Variants in OSBPL2 observed in about 807,000 individuals in gnomAD.
OSBPL2 encodes oxysterol binding protein like 2, also known as oxysterol-binding protein-related protein 2.
In OSBPL2, 18 loss-of-function variants were observed where a neutral mutation model predicts 58.4. The ratio of observed to expected loss-of-function variants is 0.31; its 90% CI spans 0.21 to 0.46. The LOEUF is 0.46. Among genes scored for constraint, OSBPL2 ranks in the 20% least tolerant of loss-of-function variants. OSBPL2 has a pLI of 1.00. For missense variants in OSBPL2, 461 were observed against 616.5 expected, an observed-to-expected ratio of 0.75 and a Z score of 2.67; for synonymous variants, 221 against 234.1, an observed-to-expected ratio of 0.94 and a Z score of 0.51.
intron 1 of OSBPL2, among the ~76,000 whole-genome samples, chr20:62,248,155 C>CTTTTTTTTTTTTTTTTTT (rs11470491): frequency 8.4e-6 from 1 of 118,854 alleles, no homozygotes; most frequent in Admixed American, 9.4e-5. Flanking sequence ...CTTTTCTTTT[C>CTTTTTTTTTTTTTTTTTT]TTTTTTTTTT....
rs1222871824 is a variant in OSBPL2, at chr20:62,296,048, T to A, written c.*2161T>A. On this transcript the variant is annotated 3_prime_UTR_variant, in exon 14 of 14. Coordinates refer to ENST00000313733, the MANE Select transcript of OSBPL2 (RefSeq NM_144498.4). ...GGCTGATGGCAAAAGCGGCTGTGTG[T>A]CGAGGTTATTTTAACTTTTTACTAC... 2 of 152,208 alleles carry A rather than the reference T, an allele frequency of 1.3e-5. No individual in the cohort carries two copies. Among genetic ancestry groups the A allele is most frequent in the Non-Finnish European group, 1.5e-5 (1 of 68,046 alleles). 9.4% of individuals were successfully genotyped at this position (152,208 alleles called of 1,614,324 possible).
At chr20:62,263,560 A>G in intron 3 of OSBPL2, 56 bp from the exon 4 acceptor site, 1 of 1,297,072 alleles carries the variant, frequency 7.7e-7, no homozygotes. Flanking sequence ...AGCCTCCTTG[A>G]GTGGTCAGAG....
chr20:62,247,229 G>A (rs1030495863), intron 1 of OSBPL2, among the ~76,000 whole-genome samples: 3 of 152,236 alleles, frequency 2.0e-5, no homozygotes, highest in African/African-American at 7.2e-5. Flanking sequence ...TGATGTGCAC[G>A]TCGGCTTGAG....
chr20:62,257,259 C>CTCTGGTGGT (rs1568831709), intron 2 of OSBPL2, among the ~76,000 whole-genome samples: 1 of 152,108 alleles, frequency 6.6e-6, no homozygotes, highest in African/African-American at 2.4e-5. Context: ...GCTCTGGTGG[C>CTCTGGTGGT]GCCTCCGGTC....
intron 2 of OSBPL2, among the ~76,000 whole-genome samples, chr20:62,257,391 C>T (rs1291973948): frequency 1.3e-5 from 2 of 152,228 alleles, no homozygotes; most frequent in Non-Finnish European, 2.9e-5. Context: ...TGATGCGCTC[C>T]TTACCGGCTT....
At chr20:62,290,769 A>C (rs1601205072) in intron 12 of OSBPL2, among the ~76,000 whole-genome samples, 1 of 123,822 alleles carries the variant, frequency 8.1e-6, no homozygotes, top group African/African-American at 3.2e-5. Context: ...ACAGAGTTTC[A>C]CACTTGTTGC....
intron 9 of OSBPL2, among the ~76,000 whole-genome samples, 172 bp from the exon 10 acceptor site, chr20:62,283,874 G>C (rs1982943514): frequency 6.6e-6 from 1 of 152,050 alleles, no homozygotes; most frequent in Admixed American, 6.6e-5. Flanking sequence ...GTGTGTATCG[G>C]GGCTACGAAT....
chr20:62,262,303 G>A (rs774267014), intron 3 of OSBPL2, among the ~76,000 whole-genome samples: 2 of 152,214 alleles, frequency 1.3e-5, no homozygotes, highest in Non-Finnish European at 1.5e-5. Flanking sequence ...GTTGCCTCCC[G>A]TCCCAGCTGC....
chr20:62,263,557 T>A (rs1981455294), intron 3 of OSBPL2, 59 bp from the exon 4 acceptor site: 2 of 1,290,366 alleles, frequency 1.5e-6, no homozygotes, highest in South Asian at 1.2e-5. Flanking sequence ...CACAGCCTCC[T>A]TGAGTGGTCA....
chr20:62,250,797 C>T (rs950707164), intron 1 of OSBPL2, among the ~76,000 whole-genome samples: 3 of 151,958 alleles, frequency 2.0e-5, no homozygotes, highest in African/African-American at 7.3e-5. Context: ...TGATGGTGTA[C>T]GCCTGTGGTC....
chr20:62,255,852 T>C (rs2145927104), intron 1 of OSBPL2, among the ~76,000 whole-genome samples: 1 of 152,356 alleles, frequency 6.6e-6, no homozygotes, highest in East Asian at 1.9e-4. Context: ...GAATTATTGG[T>C]CTGTTATTCA....
At chr20:62,254,457 G>A (rs1980786215) in intron 1 of OSBPL2, among the ~76,000 whole-genome samples, 1 of 152,268 alleles carries the variant, frequency 6.6e-6, no homozygotes, top group African/African-American at 2.4e-5. Flanking sequence ...CACCCTGGCC[G>A]TGAGCAGGGC....
chr20:62,286,532 C>T lies in OSBPL2; in HGVS notation c.997-51C>T, dbSNP rs766372491. On this transcript the variant is annotated intron_variant, in intron 10 of 13. Transcript: ENST00000313733. ...GCTCTGAGAATAGCTGTCCTCCTGG[C>T]CAAGAGCGGCCTGGCCCCGGGCAGC... The T allele has an allele frequency of 3.8e-6, 6 of 1,575,012 alleles. No individual in the cohort carries two copies. In the Admixed American group the frequency reaches 6.9e-5, roughly 18 times the overall value.
In OSBPL2 at chr20:62,286,624, C is replaced by G; in HGVS notation, c.1038C>G (p.Asp346Glu). Residue 346 changes from aspartate to glutamate, a missense_variant, in exon 11 of 14, where the codon GAC becomes GAG. Transcript: ENST00000313733. Reference sequence around the variant, plus strand: ...AGGCTGACAGCGACGTGGCTGACGACGTGCCTGTGGCCCAGGAGACCGTGC... The same window carrying G: ...AGGCTGACAGCGACGTGGCTGACGAGGTGCCTGTGGCCCAGGAGACCGTGC... ...SGKADSDVAD[D>E]VPVAQETVQV... 1 of 1,613,708 alleles carries G rather than the reference C, an allele frequency of 6.2e-7. No homozygotes were observed. The highest frequency in any genetic ancestry group is 8.5e-7 in the Non-Finnish European group (1 of 1,179,870).
rs971862201 is a variant in OSBPL2, at chr20:62,260,123, C to A, written c.180C>A (p.His60Gln). 1 of 1,613,370 alleles carries A rather than the reference C, an allele frequency of 6.2e-7. No homozygotes were observed. Among genetic ancestry groups the A allele is most frequent in the Non-Finnish European group, 8.5e-7 (1 of 1,179,648 alleles). The part of the protein sequence containing the change: ...RPSQENGIQK[H>Q]RTSLPAPMFS... ...CTCAAGAGAACGGAATTCAGAAACA[C>A]AGGTATGTTCTCTCACGTCTGCTGT... Residue 60 changes from histidine (H) to glutamine (Q), a missense_variant and splice_region_variant, in exon 3 of 14, where the codon CAC becomes CAA. This residue lies in a region of OSBPL2 where 80 missense variants were observed against 74.8 expected (regional missense o/e 1.07). Transcript: ENST00000313733.
rs1245893737 is a variant in OSBPL2 at position 62,295,734 on chromosome 20, A to G, written c.*1847A>G. On this transcript the variant is annotated 3_prime_UTR_variant, in exon 14 of 14. Coordinates refer to ENST00000313733, the MANE Select transcript of OSBPL2 (RefSeq NM_144498.4). This position sits in a 1 kb window ranked among gnomAD's most constrained non-coding sequence, Gnocchi z 4.8. Reference sequence around the variant, plus strand: ...GGTGGAGGGTCATCTGCTTTTCCAGACTGTGGTTGTGAACCGGCTCCTTCT... The same window carrying G: ...GGTGGAGGGTCATCTGCTTTTCCAGGCTGTGGTTGTGAACCGGCTCCTTCT... 1 of 152,028 alleles carries G rather than the reference A, an allele frequency of 6.6e-6. No individual in the cohort carries two copies. Among genetic ancestry groups the G allele is most frequent in the East Asian group, 1.9e-4 (1 of 5,186 alleles). 9.4% of individuals were successfully genotyped at this position (152,028 alleles called of 1,614,324 possible).
Position 62,267,828 on chromosome 20 carries a change from C to T in OSBPL2, c.258+4137C>T, listed in dbSNP as rs546672240. Among the ~76,000 whole-genome samples, 4 of 152,320 alleles carry T rather than the reference C, an allele frequency of 2.6e-5. No individual in the cohort carries two copies. In the South Asian group the frequency reaches 6.2e-4, roughly 24 times the overall value. On this transcript the variant is annotated intron_variant, in intron 4 of 13. Coordinates refer to ENST00000313733, the MANE Select transcript of OSBPL2 (RefSeq NM_144498.4). Reference sequence around the variant, plus strand: ...CTGAGACAGCACATGTCTGTGCCTCCTGCAGTTGCCACTTGTCATTGTCTT... The same window carrying T: ...CTGAGACAGCACATGTCTGTGCCTCTTGCAGTTGCCACTTGTCATTGTCTT...
chr20:62,289,083 G>A, intron 11 of OSBPL2, 124 bp from the exon 12 acceptor site: 1 of 1,038,720 alleles, frequency 9.6e-7, no homozygotes, highest in Non-Finnish European at 1.4e-6. Flanking sequence ...GTGAGCGGAA[G>A]TAGGTTCCCA....
intron 3 of OSBPL2, among the ~76,000 whole-genome samples, chr20:62,262,059 GC>G (rs1264734961): frequency 6.7e-6 from 1 of 148,548 alleles, no homozygotes; most frequent in Non-Finnish European, 1.5e-5. Flanking sequence ...CAGCCCAGAG[GC>G]ACTTTTCAAA....
Sources: gnomAD v4.1 joint callset for allele counts (sites outside exome capture counted in the v4.1 genomes callset) on GRCh38, gnomAD v4.1.1 for gene constraint, gnomAD v4.1.1 regional missense constraint, Gnocchi (gnomAD v3.1) non-coding constraint, MANE v1.5 for transcripts, NCBI Gene and HGNC (gene_info 2026-07-23, HGNC 2026-07-21) for gene names.